ADARB2: variants seen among roughly 807,000 people sequenced by gnomAD.
ADARB2 encodes the protein adenosine deaminase RNA specific B2 (inactive).
In ADARB2, 25 loss-of-function variants were observed where a neutral mutation model predicts 62.2. The observed-to-expected ratio is 0.40, with a 90% CI of 0.29 to 0.56. The LOEUF (loss-of-function observed/expected upper bound fraction) is 0.56. Among genes scored for constraint, ADARB2 ranks in the 20% least tolerant of loss-of-function variants. The pLI, the probability that ADARB2 is intolerant of heterozygous loss-of-function variation, is 0.43. For missense variants in ADARB2, 1,071 were observed against 1,077.4 expected (o/e 0.99, Z 0.08); for synonymous variants, 572 against 500.8 (o/e 1.14, Z -1.90).
intron 7 of ADARB2, among the ~76,000 whole-genome samples, chr10:1,207,773 TAA>T (rs1417071149): frequency 6.6e-6 from 1 of 152,258 alleles, no homozygotes; most frequent in Admixed American, 6.5e-5. Context: ...CTCAGGTACT[TAA>T]AATTAGAAAC....
intron 1 of ADARB2, among the ~76,000 whole-genome samples, chr10:1,660,576 G>A (rs570182170): frequency 3.3e-5 from 5 of 152,116 alleles, no homozygotes; most frequent in East Asian, 1.9e-4. Context: ...ACCAGAACAC[G>A]TAAGGCCCAA....
At chr10:1,510,144 C>CTTTCTT (rs1831914883) in intron 1 of ADARB2, among the ~76,000 whole-genome samples, 1 of 125,184 alleles carries the variant, frequency 8.0e-6, no homozygotes, top group Non-Finnish European at 1.7e-5. Context: ...TTCTTTCTTT[C>CTTTCTT]TTTCTTTCTT....
intron 2 of ADARB2, among the ~76,000 whole-genome samples, chr10:1,366,833 T>A (rs1324132320): frequency 6.6e-6 from 1 of 152,236 alleles, no homozygotes; most frequent in African/African-American, 2.4e-5. Flanking sequence ...CAGGCTTCCC[T>A]TCACTCATTG....
chr10:1,500,670 A>C (rs1831755670), intron 1 of ADARB2, among the ~76,000 whole-genome samples: 1 of 152,244 alleles, frequency 6.6e-6, no homozygotes, highest in Non-Finnish European at 1.5e-5. Context: ...GATACACAGC[A>C]AAAACATTTA....
chr10:1,295,074 G>T (rs936722758), intron 3 of ADARB2, among the ~76,000 whole-genome samples: 1 of 152,202 alleles, frequency 6.6e-6, no homozygotes, highest in Non-Finnish European at 1.5e-5. Context: ...TCTTCATTAC[G>T]TGTGTTCCTC....
chr10:1,651,389 C>T (rs1041255714), intron 1 of ADARB2, among the ~76,000 whole-genome samples: 1 of 152,224 alleles, frequency 6.6e-6, no homozygotes, highest in Non-Finnish European at 1.5e-5. Context: ...GGCAGGCCGC[C>T]CTCCCTGGTT....
At chr10:1,452,115 C>T (rs1831048343) in intron 1 of ADARB2, among the ~76,000 whole-genome samples, 1 of 152,196 alleles carries the variant, frequency 6.6e-6, no homozygotes, top group Admixed American at 6.5e-5. Flanking sequence ...GAGGCTGACA[C>T]ACCACCTTCA....
chr10:1,611,385 T>A (rs1236457445), intron 1 of ADARB2, among the ~76,000 whole-genome samples: 1 of 152,228 alleles, frequency 6.6e-6, no homozygotes, highest in Non-Finnish European at 1.5e-5. Context: ...TGGCAGTATA[T>A]CTGATCCAAG....
At chr10:1,465,805 G>A (rs1340369837) in intron 1 of ADARB2, among the ~76,000 whole-genome samples, 1 of 152,238 alleles carries the variant, frequency 6.6e-6, no homozygotes, top group Non-Finnish European at 1.5e-5. Flanking sequence ...GAAGAGTGGT[G>A]TGGGGCCCCC....
At chr10:1,218,711 G>A (rs538621041) in intron 6 of ADARB2, among the ~76,000 whole-genome samples, 10 of 152,234 alleles carry the variant, frequency 6.6e-5, no homozygotes, top group South Asian at 6.2e-4. Flanking sequence ...TGCTGTCCTC[G>A]TGGCAGTGAA....
In ADARB2 at chr10:1,350,513, G is replaced by A. The variant is rs1427689183; in HGVS notation, c.1077+12515C>T. Among the ~76,000 whole-genome samples the A allele has an allele frequency of 2.6e-5, 4 of 152,096 alleles. No individual in the cohort carries two copies. In the South Asian group the frequency reaches 8.3e-4, roughly 32 times the overall value. ...GACTTACAGTTTCGTTCCGTGACTA[G>A]CTCTCCCCCACCTGCCCAGCAATTT... On this transcript the variant is annotated intron_variant, in intron 3 of 9. Coordinates refer to ENST00000381312, the MANE Select transcript of ADARB2 (RefSeq NM_018702.4).
intron 1 of ADARB2, among the ~76,000 whole-genome samples, chr10:1,576,329 G>T (rs945933171): frequency 2.0e-5 from 3 of 149,024 alleles, no homozygotes; most frequent in African/African-American, 5.0e-5. Flanking sequence ...TGGGTCTCAG[G>T]GTCACAGGAT....
At chr10:1,561,072 A>G (rs910751006) in intron 1 of ADARB2, among the ~76,000 whole-genome samples, 2 of 152,266 alleles carry the variant, frequency 1.3e-5, no homozygotes, top group African/African-American at 4.8e-5. Flanking sequence ...CTCAGTAAAA[A>G]ACACAAGTGA....
intron 1 of ADARB2, among the ~76,000 whole-genome samples, chr10:1,569,148 C>A (rs540417506): frequency 6.7e-6 from 1 of 149,412 alleles, no homozygotes; most frequent in African/African-American, 2.5e-5. Flanking sequence ...GACAGAGAGT[C>A]AGAGAGAGAC....
chr10:1,188,042 T>C (rs1447982425), intron 8 of ADARB2: 1 of 164,284 alleles, frequency 6.1e-6, no homozygotes, highest in Non-Finnish European at 1.4e-5. Flanking sequence ...AGCCTGTCCA[T>C]GACCCCGGAG....
At chr10:1,223,833 T>A (rs529999288) in intron 6 of ADARB2, among the ~76,000 whole-genome samples, 19 of 152,368 alleles carry the variant, frequency 1.2e-4, no homozygotes, top group African/African-American at 4.1e-4. Flanking sequence ...GCCCGTATTT[T>A]ATTGAGAATT....
chr10:1,726,311 G>C (rs1835163394), intron 1 of ADARB2, among the ~76,000 whole-genome samples: 1 of 152,150 alleles, frequency 6.6e-6, no homozygotes. Flanking sequence ...CAGTAAGGTA[G>C]ATGGTAGATA....
At chr10:1,429,084 A>T (rs1056344083) in intron 1 of ADARB2, among the ~76,000 whole-genome samples, 2 of 151,998 alleles carry the variant, frequency 1.3e-5, no homozygotes, top group African/African-American at 4.8e-5. Flanking sequence ...ACCAGTGTCT[A>T]TATTCTGGTT....
At chr10:1,595,048 C>G (rs1244306827) in intron 1 of ADARB2, among the ~76,000 whole-genome samples, 2 of 152,196 alleles carry the variant, frequency 1.3e-5, no homozygotes, top group Non-Finnish European at 2.9e-5. Flanking sequence ...GACCTGCCCG[C>G]CCAGCACAGA....
Sources: allele counts gnomAD v4.1 joint callset (sites outside exome capture counted in the v4.1 genomes callset), GRCh38; gene constraint gnomAD v4.1.1; transcripts MANE v1.5; gene names NCBI Gene and HGNC (gene_info 2026-07-23, HGNC 2026-07-21).